HTR4: variants seen among roughly 807,000 people sequenced by gnomAD.
HTR4 encodes 5-hydroxytryptamine (serotonin) receptor 4, G protein-coupled.
A neutral mutation model predicts 36.8 loss-of-function variants in HTR4; 16 were observed. That is an observed-to-expected ratio of 0.43 (90% CI 0.29 to 0.66). HTR4 has a LOEUF of 0.66. Among genes scored for constraint, HTR4 ranks in the 30% least tolerant of loss-of-function variants. HTR4 has a pLI of 0.13. For synonymous variants in HTR4, 189 were observed against 185.1 expected (o/e 1.02, Z -0.17); for missense variants, 438 against 490.9 (o/e 0.89, Z 1.02).
At chr5:148,552,629 C>A (rs1336657464) in intron 2 of HTR4, among the ~76,000 whole-genome samples, 2 of 152,164 alleles carry the variant, frequency 1.3e-5, no homozygotes, top group Non-Finnish European at 2.9e-5. Context: ...TAAATTTAAC[C>A]CCCAGTTAGT....
intron 2 of HTR4, among the ~76,000 whole-genome samples, chr5:148,601,573 G>A (rs923560260): frequency 1.3e-5 from 2 of 152,114 alleles, no homozygotes; most frequent in Non-Finnish European, 1.5e-5. Context: ...GGCTGAGAGG[G>A]GTGGATATCT....
At chr5:148,479,932 T>C (rs1356343794), downstream of HTR4, among the ~76,000 whole-genome samples, 2 of 152,190 alleles carry the variant, frequency 1.3e-5, no homozygotes, top group Non-Finnish European at 2.9e-5. Context: ...AAACCACAAT[T>C]AACAATCATA....
chr5:148,489,306 G>C (rs1381833573), intron 6 of HTR4, among the ~76,000 whole-genome samples: 1 of 152,182 alleles, frequency 6.6e-6, no homozygotes, highest in Admixed American at 6.5e-5. Flanking sequence ...CCCAGGTAGA[G>C]TATCTAGAGA....
chr5:148,467,060 T>A (rs1256796307), intron 5 of HTR4, among the ~76,000 whole-genome samples: 1 of 152,324 alleles, frequency 6.6e-6, no homozygotes, highest in African/African-American at 2.4e-5. Context: ...GGTATCTGCA[T>A]GTCATGCTTC....
chr5:148,531,252 C>A (rs1274996636), intron 4 of HTR4, among the ~76,000 whole-genome samples: 1 of 152,116 alleles, frequency 6.6e-6, no homozygotes, highest in Non-Finnish European at 1.5e-5. Flanking sequence ...TGTCCCCACC[C>A]AAACCTCGTA....
intron 5 of HTR4, among the ~76,000 whole-genome samples, chr5:148,462,170 G>A (rs1375139812): frequency 7.9e-5 from 12 of 151,780 alleles, no homozygotes; most frequent in Admixed American, 7.9e-4. Context: ...AAAATTAAGG[G>A]AGAATTCAGT....
chr5:148,588,257 C>T (rs925531277), intron 2 of HTR4, among the ~76,000 whole-genome samples: 15 of 152,312 alleles, frequency 9.8e-5, no homozygotes, highest in African/African-American at 3.6e-4. Flanking sequence ...ACCTCTTTAA[C>T]AATTTTTAAA....
chr5:148,592,919 T>C (rs1459913112), intron 2 of HTR4, among the ~76,000 whole-genome samples: 4 of 152,214 alleles, frequency 2.6e-5, no homozygotes, highest in Non-Finnish European at 5.9e-5. Flanking sequence ...CCTTTGACAA[T>C]TTTAAATTTT....
In HTR4 at chr5:148,595,222, A is replaced by G. The variant is rs544173246; in HGVS notation, c.26+41767T>C. On this transcript the variant is annotated intron_variant, in intron 2 of 6. Transcript: ENST00000377888. Reference sequence around the variant, plus strand: ...ATTAGGCAGTTCTAGAATCTCTAGCAAGATCAGAGAGTCAGTGTTGAAGTC... The same window carrying G: ...ATTAGGCAGTTCTAGAATCTCTAGCGAGATCAGAGAGTCAGTGTTGAAGTC... Among the ~76,000 whole-genome samples the G allele has an allele frequency of 1.1e-4, 16 of 152,198 alleles. No individual in the cohort carries two copies. The South Asian group carries it at 2.3e-3, about 22-fold the overall frequency.
chr5:148,478,335 G>T (rs1755766035), downstream of HTR4, among the ~76,000 whole-genome samples: 1 of 152,178 alleles, frequency 6.6e-6, no homozygotes, highest in Non-Finnish European at 1.5e-5. Context: ...CCCAAGGGTA[G>T]GTTAGTTTGG....
intron 1 of HTR4, among the ~76,000 whole-genome samples, chr5:148,648,518 T>C (rs1178437342): frequency 6.6e-6 from 1 of 152,182 alleles, no homozygotes; most frequent in African/African-American, 2.4e-5. Flanking sequence ...GAAAGGCAGA[T>C]TGTCTCTATT....
intron 2 of HTR4, among the ~76,000 whole-genome samples, chr5:148,610,796 G>T (rs1354459091): frequency 7.0e-6 from 1 of 143,042 alleles, no homozygotes; most frequent in Non-Finnish European, 1.5e-5. Flanking sequence ...TTAGAAGAAT[G>T]TATAACTAGA....
Position 148,650,026 on chromosome 5 carries a change from G to GTT in HTR4, c.-48+4034_-48+4035dup, listed in dbSNP as rs35355594. 5.0e-4 allele frequency among the ~76,000 whole-genome samples: 74 copies of GTT among 147,658 alleles called. 1 individual carries two copies. Among genetic ancestry groups the GTT allele is most frequent in the East Asian group, 7.8e-4 (4 of 5,116 alleles). The stretch of plus-strand genomic sequence containing the variant: ...TTGGGAGTGAGGACCAGCAATTTGT[G>GTT]TTTTTTTTTTAAGTTTTAATTTGTA... On this transcript the variant is annotated intron_variant, in intron 1 of 6. Coordinates refer to ENST00000377888, the MANE Select transcript of HTR4 (RefSeq NM_000870.7).
chr5:148,454,822 G>A (rs374705936), intron 5 of HTR4, among the ~76,000 whole-genome samples: 16 of 152,138 alleles, frequency 1.1e-4, no homozygotes, highest in Admixed American at 9.2e-4. Context: ...ACGGGTGAGC[G>A]CAGGCCTGGC....
intron 2 of HTR4, among the ~76,000 whole-genome samples, chr5:148,604,679 A>C (rs1484544135): frequency 2.6e-5 from 4 of 152,246 alleles, no homozygotes; most frequent in African/African-American, 9.6e-5. Context: ...AAAATGAATT[A>C]ATCACTTTTG....
chr5:148,646,290 A>G (rs561904577), intron 1 of HTR4: 1 of 152,324 alleles, frequency 6.6e-6, no homozygotes, highest in East Asian at 1.9e-4. Context: ...ATTGGCTGAG[A>G]CACCTGGATT....
chr5:148,652,682 G>C (rs1032884756), intron 1 of HTR4, among the ~76,000 whole-genome samples: 2 of 152,064 alleles, frequency 1.3e-5, no homozygotes. Flanking sequence ...TGAAGCTCCT[G>C]CTAGCTTCAG....
chr5:148,504,703 G>A (rs1249379836), intron 6 of HTR4, among the ~76,000 whole-genome samples: 1 of 152,054 alleles, frequency 6.6e-6, no homozygotes, highest in African/African-American at 2.4e-5. Flanking sequence ...ATGAATCCAG[G>A]AGCTGGTTTT....
At chr5:148,462,885 T>TGCAGAC in intron 5 of HTR4, among the ~76,000 whole-genome samples, 2 of 152,040 alleles carry the variant, frequency 1.3e-5, no homozygotes, top group East Asian at 3.9e-4. Flanking sequence ...ATCCATCATA[T>TGCAGAC]CAATAGGCTA....
Sources: gnomAD v4.1 joint callset for allele counts (sites outside exome capture counted in the v4.1 genomes callset) on GRCh38, gnomAD v4.1.1 for gene constraint, MANE v1.5 for transcripts, NCBI Gene and HGNC (gene_info 2026-07-23, HGNC 2026-07-21) for gene names.